LRP1B: variants seen among roughly 807,000 people sequenced by gnomAD.
LRP1B encodes LDL receptor related protein 1B, also known as low-density lipoprotein receptor-related protein 1B.
Under a neutral mutation model 556.6 loss-of-function variants are expected in LRP1B, and 217 were observed. That is an observed-to-expected ratio of 0.39 (90% CI 0.35 to 0.44). The LOEUF is 0.44. LRP1B is among the 20% of genes least tolerant of loss of function. The probability of loss-of-function intolerance (pLI) is 1.00; values close to 1 mark genes in which losing one functional copy is unlikely to be tolerated. For missense variants in LRP1B, 5,053 were observed against 5,620.8 expected (o/e 0.90, Z 3.23); for synonymous variants, 2,047 against 1,865.8 (o/e 1.10, Z -2.50).
At chr2:141,048,922 G>C in intron 11 of LRP1B, 64 bp downstream of exon 11, 1 of 1,259,354 alleles carries the variant, frequency 7.9e-7, no homozygotes, top group Non-Finnish European at 1.2e-6. Context: ...ACACACACTG[G>C]ATTTATCCTT....
At chr2:141,389,909 G>A (rs1415078674) in intron 3 of LRP1B, among the ~76,000 whole-genome samples, 2 of 152,202 alleles carry the variant, frequency 1.3e-5, no homozygotes. Flanking sequence ...GGAGGCTGAG[G>A]CAGGTGGATC....
Position 140,506,898 on chromosome 2 carries a change from C to T in LRP1B, c.8419G>A (p.Glu2807Lys), listed in dbSNP as rs1689441148. The T allele has an allele frequency of 1.2e-6, 2 of 1,613,722 alleles. No individual in the cohort carries two copies. Among genetic ancestry groups the T allele is most frequent in the African/African-American group, 2.7e-5 (2 of 74,908 alleles). ...AGCAPNNTCDENAFMCHNKVC... is the reference protein window; with the variant it reads ...AGCAPNNTCDKNAFMCHNKVC... Reference sequence around the variant, plus strand: ...TTATTATGGCACATGAAAGCATTTTCATCACATGTATTATTGGGAGCTAAG... The same window carrying T: ...TTATTATGGCACATGAAAGCATTTTTATCACATGTATTATTGGGAGCTAAG... Residue 2807 changes from glutamate to lysine, a missense_variant, in exon 53 of 91, where the codon GAA becomes AAA. Physicochemically the swap from Glu to Lys is moderately conservative, Grantham distance 56. Transcript: ENST00000389484.
intron 41 of LRP1B, among the ~76,000 whole-genome samples, chr2:140,622,193 T>G (rs975466087): frequency 2.0e-5 from 3 of 152,198 alleles, no homozygotes; most frequent in Non-Finnish European, 4.4e-5. Context: ...TGCAATATGT[T>G]TGATTCAAGT....
chr2:140,818,421 T>C (rs1014981276), intron 31 of LRP1B, among the ~76,000 whole-genome samples: 1 of 152,194 alleles, frequency 6.6e-6, no homozygotes, highest in African/African-American at 2.4e-5. Context: ...GCTATATCTG[T>C]AGAAGAATTA....
intron 2 of LRP1B, among the ~76,000 whole-genome samples, chr2:141,676,911 A>G (rs1450902317): frequency 1.3e-5 from 2 of 152,170 alleles, no homozygotes; most frequent in East Asian, 3.9e-4. Context: ...AATATTCTAG[A>G]ATTTAGAGAT....
At chr2:141,139,549 G>T (rs1701579281) in intron 7 of LRP1B, among the ~76,000 whole-genome samples, 1 of 151,442 alleles carries the variant, frequency 6.6e-6, no homozygotes, top group African/African-American at 2.4e-5. Flanking sequence ...AGGCCAAAAA[G>T]GGCAAAGGGA....
chr2:140,714,335 C>A (rs1327361389), intron 37 of LRP1B, among the ~76,000 whole-genome samples: 1 of 152,040 alleles, frequency 6.6e-6, no homozygotes, highest in African/African-American at 2.4e-5. Flanking sequence ...TATGAAGATT[C>A]TTTTGCCTAA....
At chr2:141,254,230 C>A (rs1318938533) in intron 4 of LRP1B, among the ~76,000 whole-genome samples, 8 of 151,984 alleles carry the variant, frequency 5.3e-5, no homozygotes, top group Non-Finnish European at 5.9e-5. Flanking sequence ...AACAGCCATA[C>A]AACATATAGG....
intron 18 of LRP1B, among the ~76,000 whole-genome samples, chr2:140,959,454 C>T (rs1306786608): frequency 5.3e-5 from 8 of 151,448 alleles, no homozygotes; most frequent in African/African-American, 1.5e-4. Flanking sequence ...AATGATAATT[C>T]TCCCTGGCAA....
At chr2:141,740,463 G>C (rs1376047534) in intron 2 of LRP1B, among the ~76,000 whole-genome samples, 2 of 151,960 alleles carry the variant, frequency 1.3e-5, no homozygotes, top group Admixed American at 1.3e-4. Flanking sequence ...AATTTTTGTG[G>C]GTACATAGTA....
chr2:140,958,132 A>T (rs1281995024), intron 18 of LRP1B, among the ~76,000 whole-genome samples: 4 of 151,518 alleles, frequency 2.6e-5, no homozygotes, highest in African/African-American at 4.8e-5. Context: ...AATTAAACTT[A>T]CCAATAATAA....
intron 11 of LRP1B, among the ~76,000 whole-genome samples, chr2:141,030,470 A>AG (rs1698337121): frequency 6.6e-6 from 1 of 152,144 alleles, no homozygotes; most frequent in Non-Finnish European, 1.5e-5. Flanking sequence ...CTTAATAGCT[A>AG]AAATATCAAG....
chr2:141,423,048 T>C (rs72985183), intron 3 of LRP1B, among the ~76,000 whole-genome samples: 1,683 of 152,186 alleles, frequency 0.011, 29 homozygotes, highest in African/African-American at 0.037. Flanking sequence ...AAGTGGGAAA[T>C]AGGAAGAAGA....
intron 2 of LRP1B, among the ~76,000 whole-genome samples, chr2:141,780,863 A>AT (rs1260466840): frequency 6.6e-6 from 1 of 152,178 alleles, no homozygotes; most frequent in African/African-American, 2.4e-5. Flanking sequence ...CACTCAAGTC[A>AT]TTTTGTTTAA....
chr2:141,327,780 T>C (rs1216994633), intron 3 of LRP1B, among the ~76,000 whole-genome samples: 1 of 152,088 alleles, frequency 6.6e-6, no homozygotes, highest in Non-Finnish European at 1.5e-5. Flanking sequence ...TAGGCTGTAG[T>C]TTGGAAGCAT....
Position 140,907,972 on chromosome 2 carries a change from G to T in LRP1B, c.3425C>A (p.Pro1142His), listed in dbSNP as rs772545514. Reference sequence around the variant, plus strand: ...GCAGACTGAGGTGTCATTAGCACAAGGATGCTTGGGTGGTCCACACAAGAA... The same window carrying T: ...GCAGACTGAGGTGTCATTAGCACAATGATGCTTGGGTGGTCCACACAAGAA... ...DSFLCGPPKH[P>H]CANDTSVCLQ... The change falls in exon 22 of 91, where the codon CCT becomes CAT. Residue 1142 changes from proline to histidine, a missense_variant. Pro to His is a moderately conservative substitution (Grantham distance 77, BLOSUM62 -2). This residue lies in a region of LRP1B where 3,619 missense variants were observed against 3,931.9 expected (regional missense o/e 0.92). Coordinates refer to ENST00000389484, the MANE Select transcript of LRP1B (RefSeq NM_018557.3). 5.6e-6 allele frequency: 9 copies of T among 1,613,402 alleles called. No homozygotes were observed. The highest frequency in any genetic ancestry group is 6.8e-6 in the Non-Finnish European group (8 of 1,179,672).
Position 140,475,190 on chromosome 2 carries a change from G to T in LRP1B, c.9573C>A (p.Ala3191=), listed in dbSNP as rs751241683. The change falls in exon 60 of 91, where the codon GCC becomes GCA. Residue 3191 remains alanine (A), a synonymous_variant. Coordinates refer to ENST00000389484, the MANE Select transcript of LRP1B (RefSeq NM_018557.3). ...IDYVNRRLYW[A]DENHIEFSNM... ...TGCTAAATTCAATGTGATTTTCATC[G>T]GCCCAGTAGAGTCTACGATTAACAT... The T allele has an allele frequency of 6.2e-6, 10 of 1,604,958 alleles. No individual in the cohort carries two copies. The highest frequency in any genetic ancestry group is 8.5e-6 in the Non-Finnish European group (10 of 1,175,442).
chr2:141,228,818 C>T (rs996837130), intron 6 of LRP1B, among the ~76,000 whole-genome samples: 1 of 152,054 alleles, frequency 6.6e-6, no homozygotes, highest in Non-Finnish European at 1.5e-5. Flanking sequence ...TTTTTAACTA[C>T]AGTCAATGCA....
intron 52 of LRP1B, among the ~76,000 whole-genome samples, chr2:140,508,340 C>T (rs1443770386): frequency 6.6e-6 from 1 of 151,980 alleles, no homozygotes; most frequent in African/African-American, 2.4e-5. Flanking sequence ...ATATTTTATA[C>T]ACATCACTTT....
Sources: allele counts gnomAD v4.1 joint callset (sites outside exome capture counted in the v4.1 genomes callset), GRCh38; gene constraint gnomAD v4.1.1; regional missense constraint gnomAD v4.1.1; transcripts MANE v1.5; gene names NCBI Gene and HGNC (gene_info 2026-07-23, HGNC 2026-07-21).